Variants in NXPH1 observed in about 807,000 individuals in gnomAD.
NXPH1 encodes the protein neurexophilin-1.
A neutral mutation model predicts 23.7 loss-of-function variants in NXPH1; 5 were observed. The ratio of observed to expected loss-of-function variants is 0.21; its 90% CI spans 0.11 to 0.44. The LOEUF is 0.44. Ranked by LOEUF, NXPH1 falls within the 20% of genes least tolerant of loss-of-function variation. The pLI, the probability that NXPH1 is intolerant of heterozygous loss-of-function variation, is 0.99. For synonymous variants in NXPH1, 144 were observed against 122.2 expected (o/e 1.18, Z -1.18); for missense variants, 324 against 321.6 (o/e 1.01, Z -0.06).
chr7:8,464,776 C>T (rs1050753348), intron 2 of NXPH1, among the ~76,000 whole-genome samples: 2 of 151,826 alleles, frequency 1.3e-5, no homozygotes, highest in Admixed American at 6.6e-5. Flanking sequence ...TACTTGAATA[C>T]TATTATTGAT....
intron 2 of NXPH1, among the ~76,000 whole-genome samples, chr7:8,731,320 T>G (rs1231654093): frequency 1.3e-5 from 2 of 152,240 alleles, no homozygotes; most frequent in African/African-American, 4.8e-5. Flanking sequence ...TTTGATCGTC[T>G]GAAGCCTTCT....
intron 2 of NXPH1, among the ~76,000 whole-genome samples, chr7:8,718,571 G>A (rs958431211): frequency 1.5e-4 from 23 of 152,302 alleles, no homozygotes; most frequent in African/African-American, 4.8e-4. Context: ...ATGACATCAA[G>A]AGTTTAGTTA....
At chr7:8,509,859 A>AT (rs1292407166) in intron 2 of NXPH1, among the ~76,000 whole-genome samples, 2 of 152,132 alleles carry the variant, frequency 1.3e-5, no homozygotes, top group Non-Finnish European at 2.9e-5. Flanking sequence ...GGGCAACAAC[A>AT]TTTTTTCATG....
At chr7:8,447,113 A>AT (rs1816419415) in intron 2 of NXPH1, among the ~76,000 whole-genome samples, 1 of 152,216 alleles carries the variant, frequency 6.6e-6, no homozygotes, top group East Asian at 1.9e-4. Context: ...AAAATTCCGT[A>AT]ATTAATCCTA....
chr7:8,576,760 A>T (rs148694420), intron 2 of NXPH1, among the ~76,000 whole-genome samples: 124 of 152,146 alleles, frequency 8.2e-4, no homozygotes, highest in African/African-American at 2.9e-3. Context: ...CATGTTTTTG[A>T]CTTGTTCCTT....
intron 2 of NXPH1, among the ~76,000 whole-genome samples, chr7:8,606,907 A>C (rs1341378078): frequency 1.3e-5 from 2 of 152,118 alleles, no homozygotes; most frequent in Non-Finnish European, 2.9e-5. Flanking sequence ...ATTTTTTTCT[A>C]GATATATATT....
chr7:8,653,877 C>G (rs1394631035), intron 2 of NXPH1, among the ~76,000 whole-genome samples: 1 of 152,134 alleles, frequency 6.6e-6, no homozygotes, highest in East Asian at 1.9e-4. Context: ...CTATTTTCTC[C>G]TCTACATACT....
At chr7:8,673,103 T>G (rs975223090) in intron 2 of NXPH1, among the ~76,000 whole-genome samples, 1 of 152,160 alleles carries the variant, frequency 6.6e-6, no homozygotes, top group Non-Finnish European at 1.5e-5. Flanking sequence ...TCTTAATAAT[T>G]ATTAGGCATT....
intron 2 of NXPH1, among the ~76,000 whole-genome samples, chr7:8,563,883 C>G (rs1052826378): frequency 6.6e-6 from 1 of 151,674 alleles, no homozygotes; most frequent in African/African-American, 2.4e-5. Flanking sequence ...ATTGATGGGC[C>G]ATTGAGATTA....
intron 2 of NXPH1, among the ~76,000 whole-genome samples, chr7:8,530,725 A>G (rs1817938637): frequency 6.6e-6 from 1 of 152,164 alleles, no homozygotes; most frequent in African/African-American, 2.4e-5. Context: ...CCCTTGCCCA[A>G]TTGTCAGCCC....
intron 2 of NXPH1, among the ~76,000 whole-genome samples, chr7:8,581,755 G>C (rs1189344172): frequency 6.6e-6 from 1 of 152,176 alleles, no homozygotes; most frequent in Non-Finnish European, 1.5e-5. Flanking sequence ...AGGTAACTAG[G>C]GGACAAAGTA....
chr7:8,481,763 A>C (rs1218234042), intron 2 of NXPH1, among the ~76,000 whole-genome samples: 1 of 152,158 alleles, frequency 6.6e-6, no homozygotes, highest in Non-Finnish European at 1.5e-5. Flanking sequence ...TTGGGGTATG[A>C]ATGATCCCAT....
intron 2 of NXPH1, among the ~76,000 whole-genome samples, chr7:8,647,827 C>T (rs1198765372): frequency 6.6e-6 from 1 of 150,748 alleles, no homozygotes. Context: ...GTAATTTGGC[C>T]ATTTTATCCC....
intron 2 of NXPH1, among the ~76,000 whole-genome samples, chr7:8,681,067 G>A (rs149914658): frequency 1.3e-5 from 2 of 152,278 alleles, no homozygotes; most frequent in South Asian, 2.1e-4. Context: ...GCTAATGTCC[G>A]GTACAGTGCT....
At chr7:8,459,753 G>A (rs546752615) in intron 2 of NXPH1, among the ~76,000 whole-genome samples, 1 of 152,284 alleles carries the variant, frequency 6.6e-6, no homozygotes, top group East Asian at 1.9e-4. Flanking sequence ...GTAAGGATGT[G>A]CAGTAGATAT....
chr7:8,681,616 C>G (rs577603784), intron 2 of NXPH1, among the ~76,000 whole-genome samples: 8 of 152,162 alleles, frequency 5.3e-5, no homozygotes, highest in Admixed American at 3.9e-4. Context: ...AATTACAATA[C>G]TTCAGGCATT....
rs141602230 is a variant in NXPH1 at position 8,721,524 on chromosome 7, C to T, written c.55-29484C>T. 6.4e-3 allele frequency among the ~76,000 whole-genome samples: 980 copies of T among 152,214 alleles called. 15 individuals are homozygous for T. The highest frequency in any genetic ancestry group is 0.023 in the African/African-American group (944 of 41,524). On this transcript the variant is annotated intron_variant, in intron 2 of 2. Coordinates refer to ENST00000405863, the MANE Select transcript of NXPH1 (RefSeq NM_152745.3). ...TTTCTTGTGGCTCACGCCTGTAATCCCAGCACTTTGGGAGGCCGAGGTGGG... is the reference window on the plus strand; with the variant it reads ...TTTCTTGTGGCTCACGCCTGTAATCTCAGCACTTTGGGAGGCCGAGGTGGG...
chr7:8,545,633 T>C (rs1818187638), intron 2 of NXPH1, among the ~76,000 whole-genome samples: 1 of 151,550 alleles, frequency 6.6e-6, no homozygotes, highest in Non-Finnish European at 1.5e-5. Context: ...AACTCTCTGC[T>C]CAGTTAGGTC....
At chr7:8,715,828 G>A (rs987736281) in intron 2 of NXPH1, among the ~76,000 whole-genome samples, 4 of 151,814 alleles carry the variant, frequency 2.6e-5, no homozygotes, top group Non-Finnish European at 5.9e-5. Context: ...AGGGAGAGGT[G>A]TCCCCAAATT....
Sources: gnomAD v4.1 joint callset for allele counts (sites outside exome capture counted in the v4.1 genomes callset) on GRCh38, gnomAD v4.1.1 for gene constraint, MANE v1.5 for transcripts, NCBI Gene and HGNC (gene_info 2026-07-23, HGNC 2026-07-21) for gene names.